Variants in TBC1D9B observed in about 807,000 individuals in gnomAD.
TBC1D9B encodes the protein TBC1 domain family member 9B.
TBC1D9B carries 87 observed loss-of-function variants against 121.1 expected under a neutral mutation model. That is an observed-to-expected ratio of 0.72 (90% CI 0.60 to 0.86). TBC1D9B has a LOEUF of 0.86. Ranked by LOEUF, TBC1D9B falls within the 40% of genes least tolerant of loss-of-function variation. The pLI, the probability that TBC1D9B is intolerant of heterozygous loss-of-function variation, is 0.00. For missense variants in TBC1D9B, 1,540 were observed against 1,628.6 expected (o/e 0.95, Z 0.94); for synonymous variants, 668 against 670.1 (o/e 1.00, Z 0.05).
At chr5:179,899,132 A>C (rs982879824) in intron 3 of TBC1D9B, 57 bp downstream of exon 3, 2 of 1,426,690 alleles carry the variant, frequency 1.4e-6, no homozygotes. Flanking sequence ...AGGATAATAC[A>C]CGAGAACACT....
rs747566838 is a variant in TBC1D9B, at chr5:179,863,620, G to C, written c.3530C>G (p.Thr1177Ser). ...PTARIGGTVD[T>S]DWCISFEQIL... ...CTGCTCAAAGGAGATGCACCAGTCGGTGTCGACGGTGCCGCCGATGCGCGC... is the reference window on the plus strand; with the variant it reads ...CTGCTCAAAGGAGATGCACCAGTCGCTGTCGACGGTGCCGCCGATGCGCGC... Residue 1177 changes from threonine (T) to serine (S), a missense_variant, in exon 21 of 21, where the codon ACC becomes AGC. Thr to Ser is a moderately conservative substitution (Grantham distance 58). Coordinates refer to ENST00000355235, the MANE Select transcript of TBC1D9B (RefSeq NM_015043.4). This position sits in a 1 kb window ranked among gnomAD's most constrained non-coding sequence, Gnocchi z 4.5. 2.5e-6 allele frequency: 4 copies of C among 1,613,884 alleles called. No individual in the cohort carries two copies. The Admixed American group carries it at 5.0e-5, about 20-fold the overall frequency.
Position 179,865,464 on chromosome 5 carries a change from G to A in TBC1D9B, c.2915-104C>T, listed in dbSNP as rs1205739074. On this transcript the variant is annotated intron_variant, in intron 19 of 20. Transcript: ENST00000355235. The surrounding 1 kb of genome is among the most constrained non-coding windows in gnomAD (Gnocchi z 5.1). ...GTGTTTTCTGGCATGGAGTTACCAG[G>A]GCCCTATCATAAAACACCCTGGCGT... 3 of 1,105,262 alleles carry A rather than the reference G, an allele frequency of 2.7e-6. No homozygotes were observed. The highest frequency in any genetic ancestry group is 2.4e-5 in the East Asian group (1 of 42,280). The allele number at this position is 1,105,262 out of a possible 1,614,324, so 68.5% of individuals were successfully genotyped here.
In TBC1D9B at chr5:179,862,276, T is replaced by G. The variant is rs1219679602; in HGVS notation, c.*1172A>C. 7 of 266,694 alleles carry G rather than the reference T, an allele frequency of 2.6e-5. No homozygotes were observed. Among genetic ancestry groups the G allele is most frequent in the South Asian group, 7.4e-5 (2 of 26,880 alleles). The allele number at this position is 266,694 out of a possible 1,614,324, so 16.5% of individuals were successfully genotyped here. On this transcript the variant is annotated 3_prime_UTR_variant, in exon 21 of 21. Coordinates refer to ENST00000355235, the MANE Select transcript of TBC1D9B (RefSeq NM_015043.4). ...TGTGGATAAGGGGGTAACTGCTGTA[T>G]CTTTTAGTAGAAGCAAGAGCAGCCC...
rs137998158 is a variant in TBC1D9B at position 179,879,909 on chromosome 5, G to A, written c.1255-120C>T. 1.0e-3 allele frequency: 1,243 copies of A among 1,217,884 alleles called. 5 individuals carry two copies. The African/African-American group carries it at 0.017, about 16-fold the overall frequency. The allele number at this position is 1,217,884 out of a possible 1,614,324, so 75.4% of individuals were successfully genotyped here. On this transcript the variant is annotated intron_variant, in intron 7 of 20. Transcript: ENST00000355235. The stretch of plus-strand genomic sequence containing the variant: ...TGCAAGAAGGGCCATGGGGGCAAAC[G>A]GTGCACGGAGAAGAGCCTGTCTGGC...
At chr5:179,906,097 TA>T (rs1277471194) in intron 1 of TBC1D9B, among the ~76,000 whole-genome samples, 26 of 152,208 alleles carry the variant, frequency 1.7e-4, no homozygotes, top group Admixed American at 1.3e-3. Flanking sequence ...CCAAGCTAGC[TA>T]TTCAGATTCT....
At chr5:179,870,695 TGGCTGAGAGAC>T (rs1185872828) in intron 15 of TBC1D9B, 200 bp from the exon 16 acceptor site, 1 of 807,514 alleles carries the variant, frequency 1.2e-6, no homozygotes, top group Non-Finnish European at 1.9e-6. Flanking sequence ...GGGAGGGGGT[TGGCTGAGAGAC>T]AGAGTCCTTG....
intron 18 of TBC1D9B, chr5:179,866,165 A>G (rs1339917132): frequency 2.6e-5 from 11 of 422,014 alleles, no homozygotes; most frequent in Non-Finnish European, 1.3e-5. Flanking sequence ...AAGTCTCAAC[A>G]TGCTGGTTTT....
At chr5:179,870,658 CT>C in intron 15 of TBC1D9B, 163 bp from the exon 16 acceptor site, 1 of 1,081,076 alleles carries the variant, frequency 9.3e-7, no homozygotes, top group Non-Finnish European at 1.3e-6. Flanking sequence ...AGCTCTCAGG[CT>C]GTCATCAGCC....
In TBC1D9B at chr5:179,902,297, C is replaced by T. The variant is rs1329876723; in HGVS notation, c.229+2405G>A. On this transcript the variant is annotated intron_variant, in intron 2 of 20. Coordinates refer to ENST00000355235, the MANE Select transcript of TBC1D9B (RefSeq NM_015043.4). The surrounding 1 kb of genome is among the most constrained non-coding windows in gnomAD (Gnocchi z 4.9). ...AGGAGGGGTGTGGCTCCTCCAGGCC[C>T]TGCAGCTGTGTGGTCCGGCTGAAGG... Among the ~76,000 whole-genome samples the T allele has an allele frequency of 1.3e-5, 2 of 152,230 alleles. No homozygotes were observed. The highest frequency in any genetic ancestry group is 4.8e-5 in the African/African-American group (2 of 41,464).
At chr5:179,881,854 C>T (rs1760549531) in intron 7 of TBC1D9B, among the ~76,000 whole-genome samples, 1 of 152,160 alleles carries the variant, frequency 6.6e-6, no homozygotes, top group African/African-American at 2.4e-5. Context: ...TTTCCTCCCT[C>T]TCTGCCAACA....
chr5:179,883,963 T>G (rs1760607346), intron 7 of TBC1D9B, among the ~76,000 whole-genome samples: 1 of 152,218 alleles, frequency 6.6e-6, no homozygotes, highest in African/African-American at 2.4e-5. Flanking sequence ...CACCTCTTTC[T>G]TGTATCTAAA....
intron 9 of TBC1D9B, 130 bp downstream of exon 9, chr5:179,878,916 CG>C: frequency 7.7e-7 from 1 of 1,298,880 alleles, no homozygotes; most frequent in Non-Finnish European, 1.0e-6. Flanking sequence ...GCCCGGCTCC[CG>C]GCTGTGTGAA....
rs901189915 is a variant in TBC1D9B at position 179,902,559 on chromosome 5, C to A, written c.229+2143G>T. On this transcript the variant is annotated intron_variant, in intron 2 of 20. Transcript: ENST00000355235. This position sits in a 1 kb window ranked among gnomAD's most constrained non-coding sequence, Gnocchi z 4.9. ...GAGAGGTCAAGTGTGTGGCACGGGG[C>A]TACGTACATGGGCTCCGCTGCGTGG... 3.3e-5 allele frequency among the ~76,000 whole-genome samples: 5 copies of A among 152,160 alleles called. No individual in the cohort carries two copies. Among genetic ancestry groups the A allele is most frequent in the South Asian group, 4.1e-4 (2 of 4,824 alleles).
At position 179,862,617 on chromosome 5, in the gene TBC1D9B, C is replaced by T. The variant is rs1261504607; in HGVS notation, c.*831G>A. ...GGCAGACCTTGCACTCTTCCACCCA[C>T]TGTGGAGGACTAAGTGTCTTGAACT... is the stretch of plus-strand genomic sequence containing the variant. On this transcript the variant is annotated 3_prime_UTR_variant, in exon 21 of 21. Coordinates refer to ENST00000355235, the MANE Select transcript of TBC1D9B (RefSeq NM_015043.4). The T allele has an allele frequency of 2.6e-5, 12 of 456,224 alleles. No homozygotes were observed. Among genetic ancestry groups the T allele is most frequent in the Non-Finnish European group, 5.3e-5 (12 of 226,668 alleles). 28.3% of individuals were successfully genotyped at this position (456,224 alleles called of 1,614,324 possible).
In TBC1D9B at chr5:179,902,749, ACCT is replaced by A. The variant is rs1397627827; in HGVS notation, c.229+1950_229+1952del. On this transcript the variant is annotated intron_variant, in intron 2 of 20. Transcript: ENST00000355235. This position sits in a 1 kb window ranked among gnomAD's most constrained non-coding sequence, Gnocchi z 4.9. ...CTCCTCTCCTCATTAGCACACACCA[ACCT>A]CCTGGCCCACTCAGAAATGGTCCCC... Among the ~76,000 whole-genome samples, 2 of 151,718 alleles carry A rather than the reference ACCT, an allele frequency of 1.3e-5. No homozygotes were observed. Among genetic ancestry groups the A allele is most frequent in the African/African-American group, 2.4e-5 (1 of 41,252 alleles).
Position 179,862,888 on chromosome 5 carries a change from C to T in TBC1D9B, c.*560G>A, listed in dbSNP as rs751484838. ...TGAGCTGAGAGCACGTGTACAGCCA[C>T]GCCTGTGCGCAGCGCCCACTCTGTG... On this transcript the variant is annotated 3_prime_UTR_variant, in exon 21 of 21. Coordinates refer to ENST00000355235, the MANE Select transcript of TBC1D9B (RefSeq NM_015043.4). 3.8e-5 allele frequency: 12 copies of T among 311,722 alleles called. No homozygotes were observed. Among genetic ancestry groups the T allele is most frequent in the African/African-American group, 1.3e-4 (6 of 46,270 alleles). The allele number at this position is 311,722 out of a possible 1,614,324, so 19.3% of individuals were successfully genotyped here. A position where few individuals can be genotyped will look rare whatever the true frequency, so the allele number is the denominator to read the frequency against.
intron 7 of TBC1D9B, among the ~76,000 whole-genome samples, chr5:179,881,946 G>GTTTTTTTTTTTTTTTTTTTTTTT (rs796278508): frequency 1.6e-4 from 21 of 128,282 alleles, no homozygotes; most frequent in African/African-American, 6.7e-4. Flanking sequence ...TATACCTTCC[G>GTTTTTTTTTTTTTTTTTTTTTTT]TTTTTTTTTT....
At chr5:179,870,066 C>T (rs965232691) in intron 16 of TBC1D9B, among the ~76,000 whole-genome samples, 189 bp downstream of exon 16, 1 of 152,078 alleles carries the variant, frequency 6.6e-6, no homozygotes, top group Non-Finnish European at 1.5e-5. Flanking sequence ...GGGAGGGGAG[C>T]GGGCAAGGCT....
rs774611268 is a variant in TBC1D9B, at chr5:179,899,234, G to A, written c.303C>T (p.Phe101=). Residue 101 remains phenylalanine, a synonymous_variant, in exon 3 of 21, where the codon TTC becomes TTT. Transcript: ENST00000355235. ...ENNLLQTLSI[F]DSEEDITTFV... Reference sequence around the variant, plus strand: ...AGGTGGTGATATCTTCCTCACTGTCGAAGATGGACAGTGTCTGGAGCAAGT... The same window carrying A: ...AGGTGGTGATATCTTCCTCACTGTCAAAGATGGACAGTGTCTGGAGCAAGT... 31 of 1,613,840 alleles carry A rather than the reference G, an allele frequency of 1.9e-5. No individual in the cohort carries two copies. The highest frequency in any genetic ancestry group is 2.4e-5 in the Non-Finnish European group (28 of 1,179,956).
Sources: allele counts gnomAD v4.1 joint callset (sites outside exome capture counted in the v4.1 genomes callset), GRCh38; gene constraint gnomAD v4.1.1; non-coding constraint Gnocchi (gnomAD v3.1); transcripts MANE v1.5; gene names NCBI Gene and HGNC (gene_info 2026-07-23, HGNC 2026-07-21).